NFX1: variants seen among roughly 807,000 people sequenced by gnomAD.
NFX1 encodes the protein transcriptional repressor NF-X1.
Under a neutral mutation model 137.2 loss-of-function variants are expected in NFX1, and 69 were observed. That is an observed-to-expected ratio of 0.50 (90% CI 0.41 to 0.61). The LOEUF is 0.61. Ranked by LOEUF, NFX1 falls within the 20% of genes least tolerant of loss-of-function variation. The pLI is 0.00. For synonymous variants in NFX1, 495 were observed against 474.1 expected, an observed-to-expected ratio of 1.04 and a Z score of -0.57; for missense variants, 1,167 against 1,391.0, an observed-to-expected ratio of 0.84 and a Z score of 2.56.
Position 33,294,564 on chromosome 9 carries a change from C to T in NFX1, c.170C>T (p.Ser57Phe). 6.2e-7 allele frequency: 1 copy of T among 1,614,186 alleles called. No individual in the cohort carries two copies. The highest frequency in any genetic ancestry group is 8.5e-7 in the Non-Finnish European group (1 of 1,180,038). Reference protein sequence around the residue: ...NYSSPPPCHLSRQVPYDEISA... With the variant: ...NYSSPPPCHLFRQVPYDEISA... Reference sequence around the variant, plus strand: ...AGTTCACCACCTCCCTGTCACCTTTCCAGGCAGGTCCCTTATGATGAAATC... The same window carrying T: ...AGTTCACCACCTCCCTGTCACCTTTTCAGGCAGGTCCCTTATGATGAAATC... The change falls in exon 2 of 24, where the codon TCC (serine) becomes TTC (phenylalanine). Residue 57 changes from serine (S) to phenylalanine (F), a missense_variant. Physicochemically the swap from Ser to Phe is radical, Grantham distance 155. Transcript: ENST00000379540.
intron 12 of NFX1, among the ~76,000 whole-genome samples, chr9:33,340,670 C>T (rs1587858119): frequency 1.3e-5 from 2 of 152,152 alleles, no homozygotes; most frequent in African/African-American, 4.8e-5. Flanking sequence ...CTCTGTTTCC[C>T]TTTTAAAACT....
chr9:33,308,533 T>TA (rs1420641170), intron 5 of NFX1, among the ~76,000 whole-genome samples: 4 of 152,324 alleles, frequency 2.6e-5, no homozygotes, highest in Admixed American at 1.3e-4. Flanking sequence ...GTTGATCAGT[T>TA]ACAAATAAAT....
At chr9:33,306,741 G>A (rs1414858795) in intron 4 of NFX1, among the ~76,000 whole-genome samples, 1 of 152,140 alleles carries the variant, frequency 6.6e-6, no homozygotes, top group Non-Finnish European at 1.5e-5. Context: ...TTCTGGAATA[G>A]GTGAGTTCCT....
intron 7 of NFX1, among the ~76,000 whole-genome samples, chr9:33,315,891 C>CA (rs11394022): frequency 0.4 from 58,450 of 147,318 alleles, 16,206 homozygotes; most frequent in African/African-American, 0.8. Context: ...ACCTCTGTCT[C>CA]AAAAAAAAAA....
At chr9:33,356,707 T>C (rs1223961979) in intron 19 of NFX1, among the ~76,000 whole-genome samples, 4 of 152,140 alleles carry the variant, frequency 2.6e-5, no homozygotes, top group African/African-American at 9.7e-5. Context: ...TTCAGCTTTT[T>C]TCCACGTGAA....
At chr9:33,336,806 A>T (rs58583054) in intron 11 of NFX1, among the ~76,000 whole-genome samples, 2 of 152,300 alleles carry the variant, frequency 1.3e-5, no homozygotes, top group Middle Eastern at 3.4e-3. Flanking sequence ...CTTAATTTTT[A>T]AAAGTTTTTC....
intron 9 of NFX1, among the ~76,000 whole-genome samples, chr9:33,325,155 T>C (rs1237898122): frequency 6.6e-6 from 1 of 151,992 alleles, no homozygotes; most frequent in African/African-American, 2.4e-5. Context: ...GGAAACTCAG[T>C]AAACTCCAGG....
rs78451763 is a variant in NFX1 at position 33,354,077 on chromosome 9, A to G, written c.2730-9A>G. 1 of 504,694 alleles carries G rather than the reference A, an allele frequency of 2.0e-6. No individual in the cohort carries two copies. Among genetic ancestry groups the G allele is most frequent in the Non-Finnish European group, 3.0e-6 (1 of 328,088 alleles). The allele number at this position is 504,694 out of a possible 1,614,324, so 31.3% of individuals were successfully genotyped here. ...ATGCCTCTTTTTCCCTTTCTTTTTT[A>G]TATTTCAGAATAGCTGCAATCTCCA... On this transcript the variant is annotated splice_polypyrimidine_tract_variant and intron_variant, in intron 17 of 23. Transcript: ENST00000379540.
intron 9 of NFX1, among the ~76,000 whole-genome samples, chr9:33,321,131 C>G (rs574574097): frequency 6.6e-6 from 1 of 152,214 alleles, no homozygotes; most frequent in African/African-American, 2.4e-5. Flanking sequence ...ACCAGAAATC[C>G]TACCCTGGCA....
At chr9:33,358,497 G>A (rs889428046) in intron 19 of NFX1, among the ~76,000 whole-genome samples, 1 of 151,236 alleles carries the variant, frequency 6.6e-6, no homozygotes, top group Non-Finnish European at 1.5e-5. Flanking sequence ...TTTTGACCAG[G>A]TTGACATCCT....
chr9:33,367,827 T>C (rs1437794858), intron 23 of NFX1, among the ~76,000 whole-genome samples: 1 of 152,206 alleles, frequency 6.6e-6, no homozygotes, highest in Non-Finnish European at 1.5e-5. Context: ...AGTGCTTGAT[T>C]CTAGAGAGAG....
intron 14 of NFX1, among the ~76,000 whole-genome samples, chr9:33,346,087 T>C (rs913694834): frequency 1.3e-5 from 2 of 152,214 alleles, no homozygotes; most frequent in African/African-American, 4.8e-5. Flanking sequence ...AAATTCTTCA[T>C]TAAGTGGAAT....
Position 33,352,735 on chromosome 9 carries a change from A to G in NFX1, c.2729+16A>G, listed in dbSNP as rs769015728. 1 of 1,603,950 alleles carries G rather than the reference A, an allele frequency of 6.2e-7. No individual in the cohort carries two copies. Among genetic ancestry groups the G allele is most frequent in the Non-Finnish European group, 8.5e-7 (1 of 1,170,820 alleles). ...CTTATCAAAGGTTAGTGTTACTTAA[A>G]TGTTAACAACTGATGGCCTAGGTGA... On this transcript the variant is annotated intron_variant, in intron 17 of 23. Coordinates refer to ENST00000379540, the MANE Select transcript of NFX1 (RefSeq NM_002504.6).
At chr9:33,291,565 A>G (rs1821162681) in intron 1 of NFX1, among the ~76,000 whole-genome samples, 1 of 152,202 alleles carries the variant, frequency 6.6e-6, no homozygotes, top group Non-Finnish European at 1.5e-5. Flanking sequence ...ATGTATTTGT[A>G]TACTGGGTGG....
chr9:33,354,731 G>T, intron 18 of NFX1, 120 bp from the exon 19 acceptor site: 1 of 868,344 alleles, frequency 1.2e-6, no homozygotes, highest in Non-Finnish European at 1.7e-6. Context: ...CTGGCCTGAG[G>T]GATTGTTTTT....
chr9:33,351,625 A>G lies in NFX1; in HGVS notation c.2490A>G (p.Leu830=). The stretch of plus-strand genomic sequence containing the variant: ...GCGGATTACCCTGCAGTGCCACGCT[A>G]CCATGTGGGATGCACAAATGTCAGA... ...ISCGLPCSAT[L]PCGMHKCQRL... The change falls in exon 16 of 24, where the codon CTA becomes CTG. Residue 830 remains leucine, a synonymous_variant. Coordinates refer to ENST00000379540, the MANE Select transcript of NFX1 (RefSeq NM_002504.6). 6.2e-7 allele frequency: 1 copy of G among 1,614,182 alleles called. No individual in the cohort carries two copies. Among genetic ancestry groups the G allele is most frequent in the East Asian group, 2.2e-5 (1 of 44,892 alleles).
rs754499988 is a variant in NFX1 at position 33,319,141 on chromosome 9, G to A, written c.1906+14G>A. ...GTGGTTCCTTAGGTAACTAGTAAGC[G>A]TAAAGTTGGCTTTAAAAATATTATT... On this transcript the variant is annotated intron_variant, in intron 9 of 23. Coordinates refer to ENST00000379540, the MANE Select transcript of NFX1 (RefSeq NM_002504.6). 6.8e-5 allele frequency: 109 copies of A among 1,610,902 alleles called. No individual in the cohort carries two copies. The South Asian group carries it at 7.1e-4, about 11-fold the overall frequency.
chr9:33,329,766 C>T (rs1338604461), intron 10 of NFX1, among the ~76,000 whole-genome samples: 1 of 151,946 alleles, frequency 6.6e-6, no homozygotes, highest in Non-Finnish European at 1.5e-5. Flanking sequence ...TCAAGTGATT[C>T]TTATGCCTTA....
intron 19 of NFX1, among the ~76,000 whole-genome samples, chr9:33,357,980 A>AG (rs1374376228): frequency 4.6e-5 from 7 of 152,186 alleles, no homozygotes; most frequent in African/African-American, 1.7e-4. Flanking sequence ...CTAGTCCAAG[A>AG]GAAGGTGTAT....
Sources: allele counts gnomAD v4.1 joint callset (sites outside exome capture counted in the v4.1 genomes callset), GRCh38; gene constraint gnomAD v4.1.1; transcripts MANE v1.5; gene names NCBI Gene and HGNC (gene_info 2026-07-23, HGNC 2026-07-21).